Variants in DCPH1 observed in about 807,000 individuals in gnomAD.
DCPH1 encodes damage control phosphatase 1.
At chr6:151,462,870 A>C in the DCPH1 span, among the ~76,000 whole-genome samples, 2 of 152,234 alleles carry the variant, frequency 1.3e-5, no homozygotes, top group Admixed American at 6.5e-5. Flanking sequence ...GTTTGTTAAT[A>C]AAACATTAGA....
the DCPH1 span, among the ~76,000 whole-genome samples, chr6:151,463,391 T>C: frequency 6.6e-6 from 1 of 152,236 alleles, no homozygotes; most frequent in Non-Finnish European, 1.5e-5. Flanking sequence ...CACCTCATTC[T>C]ACTGAAATCA....
the DCPH1 span, among the ~76,000 whole-genome samples, chr6:151,466,466 C>T: frequency 6.6e-6 from 1 of 152,184 alleles, no homozygotes; most frequent in Non-Finnish European, 1.5e-5. Context: ...CACACTGTCA[C>T]TGTGCTCCCA....
At chr6:151,454,902 G>A in the DCPH1 span, among the ~76,000 whole-genome samples, 1 of 152,180 alleles carries the variant, frequency 6.6e-6, no homozygotes, top group East Asian at 1.9e-4. Context: ...TATATGCAAT[G>A]TTGTAATTGG....
chr6:151,458,341 C>T, the DCPH1 span: 19 of 1,610,804 alleles, frequency 1.2e-5, no homozygotes, highest in Non-Finnish European at 1.5e-5. Flanking sequence ...GGCGTGGAAG[C>T]TGAAAAGAAA....
At chr6:151,458,722 A>C in the DCPH1 span, 275 of 607,528 alleles carry the variant, frequency 4.5e-4, 1 homozygote, top group Middle Eastern at 8.6e-3. Flanking sequence ...CATTTCTACA[A>C]ATGTTACTGA....
chr6:151,455,371 C>G, the DCPH1 span, among the ~76,000 whole-genome samples: 1 of 152,280 alleles, frequency 6.6e-6, no homozygotes, highest in Non-Finnish European at 1.5e-5. Context: ...CCTCTGAGTT[C>G]CCTTAGTATT....
the DCPH1 span, among the ~76,000 whole-genome samples, chr6:151,456,994 A>G: frequency 6.6e-6 from 1 of 152,184 alleles, no homozygotes; most frequent in Non-Finnish European, 1.5e-5. Flanking sequence ...ACAGAACAAG[A>G]TGTAAATTGA....
chr6:151,453,997 A>G, the DCPH1 span, among the ~76,000 whole-genome samples: 2 of 152,224 alleles, frequency 1.3e-5, no homozygotes, highest in Non-Finnish European at 2.9e-5. Context: ...TCCATTGTGC[A>G]GATAGAGAAG....
At chr6:151,459,257 A>C in the DCPH1 span, among the ~76,000 whole-genome samples, 152,317 of 152,322 alleles carry the variant, frequency 1, 76,156 homozygotes, top group Non-Finnish European at 1. Flanking sequence ...TTATATAAAT[A>C]AGGATGGGAC....
the DCPH1 span, among the ~76,000 whole-genome samples, chr6:151,462,903 G>C: frequency 6.6e-6 from 1 of 152,164 alleles, no homozygotes; most frequent in African/African-American, 2.4e-5. Context: ...AGAACTTTCT[G>C]TAAAGGGCCA....
chr6:151,459,950 C>T, the DCPH1 span, among the ~76,000 whole-genome samples: 10 of 152,094 alleles, frequency 6.6e-5, no homozygotes, highest in Admixed American at 6.5e-5. Context: ...TTAAAGTGAC[C>T]TATCAAGTCA....
the DCPH1 span, among the ~76,000 whole-genome samples, chr6:151,463,961 A>G: frequency 6.6e-6 from 1 of 152,200 alleles, no homozygotes; most frequent in Non-Finnish European, 1.5e-5. Flanking sequence ...AAAACTTACA[A>G]TAGTATTGTC....
chr6:151,464,484 G>C, the DCPH1 span: 1 of 1,608,616 alleles, frequency 6.2e-7, no homozygotes. Context: ...TGTATTTAAA[G>C]AATCAAAAGA....
chr6:151,456,623 G>A, the DCPH1 span, among the ~76,000 whole-genome samples: 3 of 152,216 alleles, frequency 2.0e-5, no homozygotes, highest in Admixed American at 6.5e-5. Flanking sequence ...GGTCATATAC[G>A]CAAGCAAATT....
At chr6:151,456,029 A>G in the DCPH1 span, among the ~76,000 whole-genome samples, 15 of 152,228 alleles carry the variant, frequency 9.9e-5, no homozygotes, top group Admixed American at 3.9e-4. Context: ...GACACAGCAC[A>G]TGTTTCAGAG....
At chr6:151,462,290 C>G in the DCPH1 span, among the ~76,000 whole-genome samples, 3 of 152,190 alleles carry the variant, frequency 2.0e-5, no homozygotes, top group African/African-American at 7.2e-5. Context: ...GTGCCCAGAT[C>G]AAGAGACGGA....
chr6:151,469,269 T>G, the DCPH1 span: 1 of 558,640 alleles, frequency 1.8e-6, no homozygotes, highest in Non-Finnish European at 3.0e-6. Flanking sequence ...ATTTTTCTTT[T>G]GAACATTTTG....
At chr6:151,454,543 T>G in the DCPH1 span, 1 of 1,351,118 alleles carries the variant, frequency 7.4e-7, no homozygotes, top group Non-Finnish European at 1.1e-6. Context: ...GTGACTCTTT[T>G]CTAGATCATT....
chr6:151,455,779 C>T, the DCPH1 span, among the ~76,000 whole-genome samples: 5 of 151,892 alleles, frequency 3.3e-5, no homozygotes, highest in Admixed American at 6.5e-5. Flanking sequence ...GGCTGGGGGA[C>T]GGTCAGGTCT....
Sources: gnomAD v4.1 joint callset for allele counts (sites outside exome capture counted in the v4.1 genomes callset) on GRCh38, gnomAD v4.1.1 for gene constraint, MANE v1.5 for transcripts, NCBI Gene and HGNC (gene_info 2026-07-23, HGNC 2026-07-21) for gene names.